Variants in SLC4A5 observed in about 807,000 individuals in gnomAD.
SLC4A5 encodes the protein solute carrier family 4 member 5.
SLC4A5 carries 96 observed loss-of-function variants against 120.4 expected under a neutral mutation model. The observed-to-expected ratio is 0.80, with a 90% CI of 0.68 to 0.94. The LOEUF (loss-of-function observed/expected upper bound fraction) is 0.94. SLC4A5 is among the 40% of genes least tolerant of loss of function. The pLI, the probability that SLC4A5 is intolerant of heterozygous loss-of-function variation, is 0.00. For missense variants in SLC4A5, 1,259 were observed against 1,459.5 expected (o/e 0.86, Z 2.24); for synonymous variants, 550 against 571.1 (o/e 0.96, Z 0.53).
chr2:74,288,786 C>T (rs1234801230), intron 7 of SLC4A5, among the ~76,000 whole-genome samples: 6 of 152,160 alleles, frequency 3.9e-5, no homozygotes, highest in African/African-American at 1.4e-4. Flanking sequence ...GCTCGGCAGC[C>T]TTCTCAAGTC....
intron 21 of SLC4A5, among the ~76,000 whole-genome samples, chr2:74,237,412 T>G (rs1051678203): frequency 6.6e-6 from 1 of 152,182 alleles, no homozygotes; most frequent in Non-Finnish European, 1.5e-5. Context: ...AATTTTTACA[T>G]AAGAGGAGAT....
rs781071459 is a variant in SLC4A5 at position 74,265,148 on chromosome 2, G to A, written c.518C>T (p.Thr173Met). ...GCCACTGTCCAAATCCAGCAGCACCGTCCCCGTCTGCAGGCAGGTACGGAG... is the reference window on the plus strand; with the variant it reads ...GCCACTGTCCAAATCCAGCAGCACCATCCCCGTCTGCAGGCAGGTACGGAG... Residue 173 changes from threonine to methionine, a missense_variant, in exon 9 of 31, where the codon ACG becomes ATG. Physicochemically the swap from Thr to Met is moderately conservative, Grantham distance 81 (BLOSUM62 -1). Coordinates refer to ENST00000394019, the Ensembl canonical transcript of SLC4A5. The A allele has an allele frequency of 9.3e-6, 15 of 1,614,078 alleles. No individual in the cohort carries two copies. The highest frequency in any genetic ancestry group is 8.3e-5 in the Admixed American group (5 of 60,010).
At chr2:74,259,624 G>T in exon 12 of SLC4A5, 1 of 1,614,194 alleles carries the variant, frequency 6.2e-7, no homozygotes, top group East Asian at 2.2e-5. Flanking sequence ...TGTCATTCAT[G>T]CTTCTGCTCT....
chr2:74,259,544 C>G (rs1245579512), intron 12 of SLC4A5, 44 bp downstream of exon 12: 8 of 1,605,380 alleles, frequency 5.0e-6, no homozygotes, highest in Non-Finnish European at 6.8e-6. Flanking sequence ...AGACTTTTTC[C>G]TGCCCTGGCC....
chr2:74,290,284 C>T (rs1386374581), intron 7 of SLC4A5: 18 of 985,424 alleles, frequency 1.8e-5, no homozygotes, highest in Middle Eastern at 5.2e-4. Flanking sequence ...CCCTGGCTGT[C>T]GATGCTGCCT....
In SLC4A5 at chr2:74,229,116, T is replaced by TTTTTTTTTTTTTTTTG. The variant is rs1553451209; in HGVS notation, c.2848-1239_2848-1238insCAAAAAAAAAAAAAAA. On this transcript the variant is annotated intron_variant, in intron 25 of 30. Coordinates refer to ENST00000394019, the Ensembl canonical transcript of SLC4A5. ...TCTTAGATTTGAGCTTTTTTTTTTT[T>TTTTTTTTTTTTTTTTG]CTTGAGACAGAGTCTCGATATGTTG... 1.2e-3 allele frequency among the ~76,000 whole-genome samples: 159 copies of TTTTTTTTTTTTTTTTG among 136,512 alleles called. 4 individuals are homozygous for TTTTTTTTTTTTTTTTG. The highest frequency in any genetic ancestry group is 3.6e-3 in the Middle Eastern group (1 of 280). The allele number at this position is 136,512 out of a possible 152,430, so 89.6% of individuals were successfully genotyped here. A position where few individuals can be genotyped will look rare whatever the true frequency, so the allele number is the denominator to read the frequency against.
At chr2:74,263,409 A>C (rs1415855975) in intron 10 of SLC4A5, among the ~76,000 whole-genome samples, 1 of 152,172 alleles carries the variant, frequency 6.6e-6, no homozygotes, top group Non-Finnish European at 1.5e-5. Context: ...TAAGTAATTC[A>C]TTTAAAGAGG....
chr2:74,285,757 T>C lies in SLC4A5; in HGVS notation c.401+16A>G, dbSNP rs1185467820. ...GAGACTGAAGTGCCCACCTCCCTCG[T>C]GGGGCCCCGCCTCACCTGGCTGACT... On this transcript the variant is annotated intron_variant, in intron 8 of 30. Transcript: ENST00000394019. 11 of 1,607,026 alleles carry C rather than the reference T, an allele frequency of 6.8e-6. No homozygotes were observed. Among genetic ancestry groups the C allele is most frequent in the Non-Finnish European group, 8.5e-6 (10 of 1,175,528 alleles).
intron 29 of SLC4A5, 64 bp downstream of exon 29, chr2:74,222,804 T>C: frequency 1.4e-6 from 2 of 1,400,778 alleles, no homozygotes; most frequent in Non-Finnish European, 2.0e-6. Context: ...CAGATGAAAG[T>C]TCCTAGGGGA....
intron 6 of SLC4A5, among the ~76,000 whole-genome samples, chr2:74,313,146 G>C (rs1347407596): frequency 6.7e-6 from 1 of 150,348 alleles, no homozygotes; most frequent in Non-Finnish European, 1.5e-5. Context: ...CTGTCTCCTG[G>C]GTAGCTTGGA....
intron 29 of SLC4A5, 88 bp downstream of exon 29, chr2:74,222,780 A>G: frequency 8.4e-7 from 1 of 1,186,790 alleles, no homozygotes; most frequent in South Asian, 1.3e-5. Flanking sequence ...AAATGATTAG[A>G]TCCCCCTGAG....
intron 4 of SLC4A5, among the ~76,000 whole-genome samples, chr2:74,331,316 G>A (rs1023374491): frequency 1.3e-5 from 2 of 151,562 alleles, no homozygotes; most frequent in Admixed American, 1.3e-4. Flanking sequence ...GGAGGTGTGT[G>A]GTTTAGGTGT....
intron 21 of SLC4A5, among the ~76,000 whole-genome samples, chr2:74,237,325 A>C (rs912445722): frequency 2.6e-5 from 4 of 152,218 alleles, no homozygotes; most frequent in African/African-American, 9.6e-5. Context: ...TGTTGGCACA[A>C]GAATTTCATG....
intron 6 of SLC4A5, among the ~76,000 whole-genome samples, chr2:74,313,877 C>G (rs1672884092): frequency 6.6e-6 from 1 of 152,114 alleles, no homozygotes; most frequent in Non-Finnish European, 1.5e-5. Context: ...ATCAGAAAGG[C>G]CCCAACCCAA....
chr2:74,281,766 A>G (rs1170047378), intron 8 of SLC4A5, among the ~76,000 whole-genome samples: 1 of 152,196 alleles, frequency 6.6e-6, no homozygotes, highest in Non-Finnish European at 1.5e-5. Flanking sequence ...TTCCTTGCGG[A>G]TTTGAGATTT....
intron 4 of SLC4A5, among the ~76,000 whole-genome samples, chr2:74,328,881 T>C (rs938168281): frequency 1.3e-5 from 2 of 152,350 alleles, no homozygotes; most frequent in East Asian, 3.9e-4. Context: ...TAAACATGTG[T>C]ACTTATTTTT....
chr2:74,230,488 C>T (rs1046495962), intron 25 of SLC4A5, among the ~76,000 whole-genome samples: 3 of 152,122 alleles, frequency 2.0e-5, no homozygotes, highest in Admixed American at 1.3e-4. Flanking sequence ...GTGATCCTCC[C>T]GCCTCAGCCT....
intron 7 of SLC4A5, among the ~76,000 whole-genome samples, chr2:74,302,681 T>A (rs1672509345): frequency 6.6e-6 from 1 of 152,342 alleles, no homozygotes; most frequent in South Asian, 2.1e-4. Context: ...AAAATCAGTG[T>A]CCACTTAACT....
chr2:74,239,795 T>TACCTTTTCCCTCAGCAG (rs1553452489), intron 20 of SLC4A5, among the ~76,000 whole-genome samples: 9 of 151,786 alleles, frequency 5.9e-5, no homozygotes, highest in African/African-American at 2.2e-4. Context: ...AGAGGCAGGA[T>TACCTTTTCCCTCAGCAG]GCCTGGCTCC....
Sources: gnomAD v4.1 joint callset for allele counts (sites outside exome capture counted in the v4.1 genomes callset) on GRCh38, gnomAD v4.1.1 for gene constraint, MANE v1.5 for transcripts, NCBI Gene and HGNC (gene_info 2026-07-23, HGNC 2026-07-21) for gene names.